MGAT4D: variants seen among roughly 807,000 people sequenced by gnomAD.
MGAT4D encodes the protein MGAT4 family member D.
In MGAT4D, 34 loss-of-function variants were observed where a neutral mutation model predicts 15.9. The ratio of observed to expected loss-of-function variants is 2.14; its 90% CI spans 1.62 to 2.84. The LOEUF (loss-of-function observed/expected upper bound fraction) is 2.84. MGAT4D is among the 30% of genes most tolerant of loss of function. The pLI, the probability that MGAT4D is intolerant of heterozygous loss-of-function variation, is 0.00. For missense variants in MGAT4D, 327 were observed against 140.2 expected (o/e 2.33, Z -6.73); for synonymous variants, 112 against 48.2 (o/e 2.33, Z -5.49).
chr4:140,456,515 C>A, intron 9 of MGAT4D, 74 bp downstream of exon 9: 2 of 467,596 alleles, frequency 4.3e-6, no homozygotes, highest in South Asian at 4.2e-5. Flanking sequence ...GTTTGGTAAA[C>A]AAATTTTAGG....
intron 10 of MGAT4D, among the ~76,000 whole-genome samples, chr4:140,451,081 T>C (rs1897281): frequency 0.69 from 105,015 of 152,002 alleles, 37,657 homozygotes; most frequent in Non-Finnish European, 0.8. Flanking sequence ...AATATTCTAG[T>C]ATAATTTTGA....
chr4:140,483,210 A>G (rs186348923), intron 1 of MGAT4D, among the ~76,000 whole-genome samples: 17 of 152,300 alleles, frequency 1.1e-4, no homozygotes, highest in Admixed American at 3.3e-4. Context: ...TACAAAATCA[A>G]CAGTAGAGTT....
At chr4:140,464,303 C>T (rs1368786972) in intron 6 of MGAT4D, among the ~76,000 whole-genome samples, 1 of 152,194 alleles carries the variant, frequency 6.6e-6, no homozygotes, top group Non-Finnish European at 1.5e-5. Flanking sequence ...ACTTACCACA[C>T]TAATACCCCA....
At chr4:140,459,742 A>G (rs1731043269) in intron 7 of MGAT4D, 116 bp from the exon 8 acceptor site, 1 of 339,408 alleles carries the variant, frequency 2.9e-6, no homozygotes, top group African/African-American at 2.1e-5. Context: ...GGTTTTATAA[A>G]ATAATAATTT....
At chr4:140,460,999 T>G (rs74626231) in intron 7 of MGAT4D, among the ~76,000 whole-genome samples, 4 of 152,160 alleles carry the variant, frequency 2.6e-5, no homozygotes, top group Non-Finnish European at 5.9e-5. Flanking sequence ...ACTAGCTGGT[T>G]AGAATAATGG....
chr4:140,496,486 C>T (rs919196823), intron 1 of MGAT4D, among the ~76,000 whole-genome samples: 1 of 152,178 alleles, frequency 6.6e-6, no homozygotes, highest in African/African-American at 2.4e-5. Context: ...TCAAAGTCTA[C>T]AGTTTCATTA....
At chr4:140,460,461 C>T (rs1435135190) in intron 7 of MGAT4D, among the ~76,000 whole-genome samples, 1 of 152,188 alleles carries the variant, frequency 6.6e-6, no homozygotes, top group African/African-American at 2.4e-5. Flanking sequence ...TTATGAGGCT[C>T]TGCCTGCATA....
intron 3 of MGAT4D, among the ~76,000 whole-genome samples, chr4:140,477,804 G>A (rs1327656842): frequency 5.9e-5 from 9 of 152,214 alleles, no homozygotes; most frequent in African/African-American, 1.7e-4. Context: ...ACATATCTTC[G>A]AGGAAAGTAT....
At chr4:140,470,296 A>T (rs754764651) in intron 5 of MGAT4D, among the ~76,000 whole-genome samples, 1 of 152,172 alleles carries the variant, frequency 6.6e-6, no homozygotes, top group Non-Finnish European at 1.5e-5. Flanking sequence ...CTCTCACTTA[A>T]TGACGCGCTT....
intron 3 of MGAT4D, among the ~76,000 whole-genome samples, chr4:140,476,133 C>CT (rs943449259): frequency 3.9e-5 from 6 of 151,996 alleles, no homozygotes; most frequent in Non-Finnish European, 7.4e-5. Context: ...TTTGGCTATT[C>CT]TTTTTTGTAA....
At chr4:140,457,995 G>A (rs1260876903) in intron 8 of MGAT4D, 4 of 152,208 alleles carry the variant, frequency 2.6e-5, no homozygotes, top group Middle Eastern at 3.4e-3. Context: ...GCTTTATACT[G>A]AGAATGGCAA....
At chr4:140,457,461 T>A (rs1053993883) in intron 8 of MGAT4D, 1 of 152,144 alleles carries the variant, frequency 6.6e-6, no homozygotes, top group African/African-American at 2.4e-5. Context: ...TTTAATTTTT[T>A]AATTTTTTGC....
intron 2 of MGAT4D, among the ~76,000 whole-genome samples, chr4:140,480,040 C>A (rs928141792): frequency 6.6e-6 from 1 of 152,094 alleles, no homozygotes; most frequent in South Asian, 2.1e-4. Context: ...GAAGTTGCCT[C>A]TACAATTTTG....
At chr4:140,497,317 T>C (rs1733900651) in intron 1 of MGAT4D, among the ~76,000 whole-genome samples, 1 of 152,222 alleles carries the variant, frequency 6.6e-6, no homozygotes, top group Non-Finnish European at 1.5e-5. Flanking sequence ...GCTAAAATTT[T>C]ACACCGCGGA....
intron 6 of MGAT4D, 59 bp downstream of exon 6, chr4:140,464,837 C>T: frequency 1.4e-6 from 1 of 693,966 alleles, no homozygotes; most frequent in South Asian, 1.5e-5. Flanking sequence ...TGAGCTGATT[C>T]CAAGATTTTA....
At chr4:140,487,632 C>A (rs142188177) in intron 1 of MGAT4D, among the ~76,000 whole-genome samples, 64 of 152,190 alleles carry the variant, frequency 4.2e-4, no homozygotes, top group African/African-American at 1.5e-3. Flanking sequence ...CTAAATCCTG[C>A]GTGTATTTTA....
chr4:140,489,351 TTAGG>T (rs1203862575), intron 1 of MGAT4D, among the ~76,000 whole-genome samples: 1 of 152,122 alleles, frequency 6.6e-6, no homozygotes, highest in Non-Finnish European at 1.5e-5. Flanking sequence ...CCTCTGTGCA[TTAGG>T]TTTTATTGCA....
intron 9 of MGAT4D, among the ~76,000 whole-genome samples, chr4:140,455,162 T>C (rs938141333): frequency 6.6e-6 from 1 of 152,310 alleles, no homozygotes; most frequent in African/African-American, 2.4e-5. Flanking sequence ...AATGTAGAAG[T>C]GGAGATTATG....
chr4:140,472,073 TA>T (rs1370703083), intron 4 of MGAT4D, among the ~76,000 whole-genome samples: 1 of 152,094 alleles, frequency 6.6e-6, no homozygotes, highest in African/African-American at 2.4e-5. Flanking sequence ...AATTTACCCT[TA>T]AATTTATATA....
Sources: gnomAD v4.1 joint callset for allele counts (sites outside exome capture counted in the v4.1 genomes callset) on GRCh38, gnomAD v4.1.1 for gene constraint, MANE v1.5 for transcripts, NCBI Gene and HGNC (gene_info 2026-07-23, HGNC 2026-07-21) for gene names.